CREB3L1: variants seen among roughly 807,000 people sequenced by gnomAD.
The protein encoded by CREB3L1 is cAMP responsive element binding protein 3 like 1.
CREB3L1 carries 33 observed loss-of-function variants against 54.5 expected under a neutral mutation model. The observed-to-expected ratio is 0.61, with a 90% CI of 0.46 to 0.81. The LOEUF (loss-of-function observed/expected upper bound fraction) is 0.81, where lower values mean the gene tolerates loss of function less well. Ranked by LOEUF, CREB3L1 falls within the 30% of genes least tolerant of loss-of-function variation. CREB3L1 has a pLI of 0.00. For synonymous variants in CREB3L1, 284 were observed against 286.4 expected, an observed-to-expected ratio of 0.99 and a Z score of 0.08; for missense variants, 656 against 673.3, an observed-to-expected ratio of 0.97 and a Z score of 0.29.
intron 8 of CREB3L1, among the ~76,000 whole-genome samples, chr11:46,313,634 T>C (rs1429215225): frequency 6.6e-6 from 1 of 151,830 alleles, no homozygotes; most frequent in African/African-American, 2.4e-5. Flanking sequence ...TGCAGTGAGC[T>C]GACACTGTGC....
At chr11:46,310,284 T>C (rs1476243117) in intron 4 of CREB3L1, among the ~76,000 whole-genome samples, 2 of 152,086 alleles carry the variant, frequency 1.3e-5, no homozygotes, top group Admixed American at 1.3e-4. Context: ...TGTTTGTTTT[T>C]TGAGATGGAG....
chr11:46,294,807 A>G (rs1939180290), intron 1 of CREB3L1, among the ~76,000 whole-genome samples: 1 of 151,494 alleles, frequency 6.6e-6, no homozygotes, highest in Non-Finnish European at 1.5e-5. Context: ...AGTGACCACG[A>G]GGCAAGTAAC....
At chr11:46,294,847 T>G (rs1939181026) in intron 1 of CREB3L1, among the ~76,000 whole-genome samples, 1 of 144,760 alleles carries the variant, frequency 6.9e-6, no homozygotes, top group Non-Finnish European at 1.5e-5. Context: ...CAGTGTGTGT[T>G]GGGGTGTGGG....
Position 46,295,538 on chromosome 11 carries a change from C to T in CREB3L1, c.103-4397C>T, listed in dbSNP as rs1230872706. Among the ~76,000 whole-genome samples the T allele has an allele frequency of 1.2e-4, 18 of 152,228 alleles. No individual in the cohort carries two copies. Among genetic ancestry groups the T allele is most frequent in the Admixed American group, 1.0e-3 (16 of 15,294 alleles). On this transcript the variant is annotated intron_variant, in intron 1 of 11. Transcript: ENST00000621158. The surrounding 1 kb of genome is among the most constrained non-coding windows in gnomAD (Gnocchi z 4.6). ...GACGCAGAAGGGGTCCCATGCAGGCCCGAGCCAGTGCACCCTGCGCTCCCT... is the reference window on the plus strand; with the variant it reads ...GACGCAGAAGGGGTCCCATGCAGGCTCGAGCCAGTGCACCCTGCGCTCCCT...
chr11:46,302,192 T>C (rs1939314006), intron 2 of CREB3L1, among the ~76,000 whole-genome samples: 1 of 147,362 alleles, frequency 6.8e-6, no homozygotes, highest in African/African-American at 2.5e-5. Flanking sequence ...ATAATAATAA[T>C]AATAATAATA....
intron 8 of CREB3L1, 183 bp from the exon 9 acceptor site, chr11:46,316,103 G>A (rs369797350): frequency 3.7e-6 from 2 of 537,186 alleles, no homozygotes; most frequent in Non-Finnish European, 6.6e-6. Flanking sequence ...GTCACCATGA[G>A]GCAGGCCCCA....
At chr11:46,280,894 C>T (rs1348882554) in intron 1 of CREB3L1, among the ~76,000 whole-genome samples, 8 of 152,152 alleles carry the variant, frequency 5.3e-5, no homozygotes, top group Admixed American at 2.0e-4. Context: ...AGAATATTCG[C>T]TATCCTCCTT....
chr11:46,289,721 T>G (rs1939105250), intron 1 of CREB3L1, among the ~76,000 whole-genome samples: 4 of 152,176 alleles, frequency 2.6e-5, no homozygotes, highest in African/African-American at 9.7e-5. Context: ...CTGGGAATGG[T>G]CCATCCAACT....
intron 10 of CREB3L1, 117 bp downstream of exon 10, chr11:46,317,604 A>G: frequency 2.4e-6 from 3 of 1,268,544 alleles, no homozygotes; most frequent in South Asian, 2.9e-5. Context: ...GCATTATCTC[A>G]TTTTGCCTCA....
At position 46,309,969 on chromosome 11, in the gene CREB3L1, TG is replaced by T; in HGVS notation, c.517-17del. 6.3e-7 allele frequency: 1 copy of T among 1,583,962 alleles called. No individual in the cohort carries two copies. The highest frequency in any genetic ancestry group is 8.6e-7 in the Non-Finnish European group (1 of 1,164,468). ...CAGACCCAGGGGCAGCTAATGGAGC[TG>T]GGCTTGTCTGTTCCTCAGGCCCCGG... is the stretch of plus-strand genomic sequence containing the variant. On this transcript the variant is annotated intron_variant, in intron 3 of 11. Coordinates refer to ENST00000621158, the MANE Select transcript of CREB3L1 (RefSeq NM_052854.4).
chr11:46,312,267 G>A lies in CREB3L1; in HGVS notation c.754-58G>A, dbSNP rs1939497183. The A allele has an allele frequency of 4.8e-6, 7 of 1,457,466 alleles. No individual in the cohort carries two copies. The South Asian group carries it at 9.0e-5, about 19-fold the overall frequency. 90.3% of individuals were successfully genotyped at this position (1,457,466 alleles called of 1,614,324 possible). On this transcript the variant is annotated intron_variant, in intron 5 of 11. Transcript: ENST00000621158. ...GGTCATATAGATAGCACATGGCAGA[G>A]CTTGAATTTGAACCCAGGGCTGCCT...
In CREB3L1 at chr11:46,317,466, G is replaced by A. The variant is rs373924573; in HGVS notation, c.1237G>A (p.Gly413Ser). The change falls in exon 10 of 12, where the codon GGC becomes AGC. Residue 413 changes from glycine (G) to serine (S), a missense_variant. By Grantham distance (56) the Gly-to-Ser change is moderately conservative (BLOSUM62 0). Coordinates refer to ENST00000621158, the MANE Select transcript of CREB3L1 (RefSeq NM_052854.4). ...TVKEDPLAAD[G>S]VYTASQMPSR... is the part of the protein sequence containing the mutation. The stretch of plus-strand genomic sequence containing the variant: ...GAAGGAAGACCCCCTGGCCGCAGAC[G>A]GCGTCTACACGGCCAGCCAGAGTGA... 12 of 1,611,260 alleles carry A rather than the reference G, an allele frequency of 7.4e-6. No homozygotes were observed. The highest frequency in any genetic ancestry group is 6.6e-5 in the South Asian group (6 of 91,084).
rs776460030 is a variant in CREB3L1 at position 46,316,363 on chromosome 11, C to T, written c.1109C>T (p.Thr370Ile). The T allele has an allele frequency of 5.6e-5, 88 of 1,569,768 alleles. 2 individuals carry two copies. The South Asian group carries it at 9.9e-4, about 18-fold the overall frequency. ...KISRPYKMAA[T>I]QTGTCLMVAA... ...TCCAGACCTTACAAGATGGCCGCCACCCAGACTGGGACCTGCCTCATGGTA... is the reference window on the plus strand; with the variant it reads ...TCCAGACCTTACAAGATGGCCGCCATCCAGACTGGGACCTGCCTCATGGTA... The change falls in exon 9 of 12, where the codon ACC becomes ATC. Residue 370 changes from threonine (T) to isoleucine (I), a missense_variant. Thr to Ile is a moderately conservative substitution (Grantham distance 89). Around this residue, in one of 3 missense-constraint regions of CREB3L1, gnomAD observed 240 missense variants for 219.8 expected, o/e 1.09. Coordinates refer to ENST00000621158, the MANE Select transcript of CREB3L1 (RefSeq NM_052854.4).
chr11:46,293,695 G>A (rs973262153), intron 1 of CREB3L1, among the ~76,000 whole-genome samples: 1 of 152,184 alleles, frequency 6.6e-6, no homozygotes, highest in Non-Finnish European at 1.5e-5. Context: ...GCAAGCCCGG[G>A]GCTCCCAAAT....
In CREB3L1 at chr11:46,312,488, C is replaced by G; in HGVS notation, c.903+14C>G. ...ATCAAGAACAAGGTAAAGCCTGCCA[C>G]CCTGGGGCTTCAGAGGGCTTCCTTG... On this transcript the variant is annotated intron_variant, in intron 6 of 11. Coordinates refer to ENST00000621158, the MANE Select transcript of CREB3L1 (RefSeq NM_052854.4). The G allele has an allele frequency of 1.2e-6, 2 of 1,612,116 alleles. No individual in the cohort carries two copies. The highest frequency in any genetic ancestry group is 1.7e-6 in the Non-Finnish European group (2 of 1,178,752).
At position 46,305,690 on chromosome 11, in the gene CREB3L1, ATGTGTGTG is replaced by A. The variant is rs764468204; in HGVS notation, c.332-2090_332-2083del. On this transcript the variant is annotated intron_variant, in intron 2 of 11. Coordinates refer to ENST00000621158, the MANE Select transcript of CREB3L1 (RefSeq NM_052854.4). ...TATATATATGTGTGTGTGTGTATAT[ATGTGTGTG>A]TGTGTGTGTGTGTGTGTGTGTGTGT... Among the ~76,000 whole-genome samples, 373 of 111,584 alleles carry A rather than the reference ATGTGTGTG, an allele frequency of 3.3e-3. 2 individuals carry two copies. Among genetic ancestry groups the A allele is most frequent in the African/African-American group, 8.0e-3 (240 of 29,868 alleles). 73.2% of individuals were successfully genotyped at this position (111,584 alleles called of 152,430 possible). A position where few individuals can be genotyped will look rare whatever the true frequency, so the allele number is the denominator to read the frequency against.
chr11:46,311,035 A>T lies in CREB3L1; in HGVS notation c.599A>T (p.Asp200Val), dbSNP rs187725533. The part of the protein sequence containing the change: ...VNQFLKVTPE[D>V]LVQMPPTPPS... ...CGGTTTCCCCTGCTCTCCCCAGAGG[A>T]CCTGGTGCAGATGCCTCCGACGCCC... The change falls in exon 5 of 12, where the codon GAC becomes GTC. Residue 200 changes from aspartate to valine, a missense_variant. By Grantham distance (152) the Asp-to-Val change is radical. Transcript: ENST00000621158. The T allele has an allele frequency of 4.9e-3, 7,753 of 1,598,084 alleles. 24 individuals carry two copies. Among genetic ancestry groups the T allele is most frequent in the Non-Finnish European group, 5.9e-3 (6,910 of 1,172,222 alleles).
Position 46,280,171 on chromosome 11 carries a change from G to T in CREB3L1, c.102+1958G>T, listed in dbSNP as rs1235531741. Among the ~76,000 whole-genome samples, 5 of 144,088 alleles carry T rather than the reference G, an allele frequency of 3.5e-5. No homozygotes were observed. The East Asian group carries it at 8.0e-4, about 23-fold the overall frequency. The allele number at this position is 144,088 out of a possible 152,430, so 94.5% of individuals were successfully genotyped here. ...TCAGAAAAGTGACTTTTCTTTTCTT[G>T]TTTTTTTTTTTGTTTTTTGTTTTTT... is the stretch of plus-strand genomic sequence containing the variant. On this transcript the variant is annotated intron_variant, in intron 1 of 11. Transcript: ENST00000621158.
At chr11:46,301,883 A>G (rs2136346916) in intron 2 of CREB3L1, among the ~76,000 whole-genome samples, 1 of 151,878 alleles carries the variant, frequency 6.6e-6, no homozygotes, top group East Asian at 1.9e-4. Flanking sequence ...CACAGGAGGC[A>G]GAGGTTGCAG....
Sources: allele counts gnomAD v4.1 joint callset (sites outside exome capture counted in the v4.1 genomes callset), GRCh38; gene constraint gnomAD v4.1.1; regional missense constraint gnomAD v4.1.1; non-coding constraint Gnocchi (gnomAD v3.1); transcripts MANE v1.5; gene names NCBI Gene and HGNC (gene_info 2026-07-23, HGNC 2026-07-21).